The following PPEF2 variants were observed in gnomAD, a reference collection of about 807,000 sequenced individuals.
PPEF2 encodes the protein serine/threonine-protein phosphatase with EF-hands 2.
A neutral mutation model predicts 84.7 loss-of-function variants in PPEF2; 84 were observed. The ratio of observed to expected loss-of-function variants is 0.99; its 90% confidence interval spans 0.83 to 1.19. The LOEUF (loss-of-function observed/expected upper bound fraction) is 1.19, where lower values mean the gene tolerates loss of function less well. Ranked by LOEUF, PPEF2 falls within the 50% of genes most tolerant of loss-of-function variation. PPEF2 has a pLI of 0.00. For synonymous variants in PPEF2, 346 were observed against 345.2 expected, an observed-to-expected ratio of 1.00 and a Z score of -0.03; for missense variants, 924 against 937.5, an observed-to-expected ratio of 0.99 and a Z score of 0.19.
chr4:75,883,368 G>T, intron 8 of PPEF2, 166 bp from the exon 9 acceptor site: 2 of 621,408 alleles, frequency 3.2e-6, no homozygotes, highest in South Asian at 2.1e-5. Context: ...ATTATCCCTG[G>T]GTAGAGAAAT....
At chr4:75,871,284 T>C (rs963803058) in intron 13 of PPEF2, among the ~76,000 whole-genome samples, 1 of 152,034 alleles carries the variant, frequency 6.6e-6, no homozygotes, top group African/African-American at 2.4e-5. Flanking sequence ...CATTAACAAA[T>C]CTGTGCACTG....
intron 16 of PPEF2, among the ~76,000 whole-genome samples, chr4:75,861,281 T>C (rs1317992534): frequency 6.6e-6 from 1 of 152,090 alleles, no homozygotes; most frequent in Non-Finnish European, 1.5e-5. Flanking sequence ...TTATCAACAG[T>C]ACCACTGTTG....
chr4:75,899,129 G>A (rs1368824781), intron 1 of PPEF2, among the ~76,000 whole-genome samples: 1 of 152,014 alleles, frequency 6.6e-6, no homozygotes. Flanking sequence ...TCTGTGCCTG[G>A]CTTATTTCAC....
At position 75,860,897 on chromosome 4, in the gene PPEF2, T is replaced by A; in HGVS notation, c.2032A>T (p.Arg678Trp). 6.2e-7 allele frequency: 1 copy of A among 1,614,228 alleles called. No individual in the cohort carries two copies. The highest frequency in any genetic ancestry group is 8.5e-7 in the Non-Finnish European group (1 of 1,180,018). ...GAGCTGAACAGCTTCCAGGTCTGCC[T>A]GAACTCGTCCAGTGAGATGAACCCT... ...HSGFISLDEF[R>W]QTWKLFSSHM... is the part of the protein sequence containing the mutation. Residue 678 changes from arginine (R) to tryptophan (W), a missense_variant, in exon 17 of 17, where the codon AGG (arginine) becomes TGG (tryptophan). Physicochemically the swap from Arg to Trp is moderately radical, Grantham distance 101 (BLOSUM62 -3). Transcript: ENST00000286719.
chr4:75,876,263 G>A, intron 11 of PPEF2, 24 bp downstream of exon 11: 2 of 1,562,116 alleles, frequency 1.3e-6, no homozygotes, highest in East Asian at 2.3e-5. Flanking sequence ...CACATGCTAG[G>A]AAGCAGCGCC....
At chr4:75,865,242 A>G (rs539365513) in intron 15 of PPEF2, among the ~76,000 whole-genome samples, 180 of 152,156 alleles carry the variant, frequency 1.2e-3, no homozygotes, top group Non-Finnish European at 2.0e-3. Flanking sequence ...TGGTTGCCTG[A>G]AGGTAATTTT....
At chr4:75,884,831 G>A (rs1313637741) in intron 7 of PPEF2, 71 bp from the exon 8 acceptor site, 53 of 1,298,394 alleles carry the variant, frequency 4.1e-5, no homozygotes, top group Middle Eastern at 1.9e-4. Context: ...AAAACCAATA[G>A]GCATTTGACA....
At chr4:75,892,829 T>C (rs1428579480) in intron 2 of PPEF2, among the ~76,000 whole-genome samples, 1 of 152,194 alleles carries the variant, frequency 6.6e-6, no homozygotes, top group Non-Finnish European at 1.5e-5. Context: ...TCCACATAAC[T>C]AGATTCTTTT....
At chr4:75,880,889 T>TAA (rs1724553714) in intron 10 of PPEF2, among the ~76,000 whole-genome samples, 7 of 151,590 alleles carry the variant, frequency 4.6e-5, no homozygotes, top group African/African-American at 1.7e-4. Flanking sequence ...AGTCTCTGTC[T>TAA]CCTGGGTTCA....
intron 4 of PPEF2, 147 bp downstream of exon 4, chr4:75,891,501 C>T: frequency 1.2e-6 from 1 of 814,196 alleles, no homozygotes; most frequent in South Asian, 2.5e-5. Flanking sequence ...TGGCATAAAA[C>T]CCCAGTCTGC....
At chr4:75,900,240 A>C (rs1725089963) in intron 1 of PPEF2, among the ~76,000 whole-genome samples, 1 of 151,894 alleles carries the variant, frequency 6.6e-6, no homozygotes, top group Admixed American at 6.6e-5. Context: ...CCCTTAGGCA[A>C]CTTTTTTTCT....
At chr4:75,895,498 C>T (rs13107138) in intron 2 of PPEF2, among the ~76,000 whole-genome samples, 32,809 of 151,492 alleles carry the variant, frequency 0.22, 3,950 homozygotes, top group Non-Finnish European at 0.27. Context: ...TTTGGGAAGC[C>T]GAGGCAGGCG....
rs562017003 is a variant in PPEF2, at chr4:75,867,259, A to G, written c.1756+54T>C. 231 of 1,408,236 alleles carry G rather than the reference A, an allele frequency of 1.6e-4. 2 individuals are homozygous for G. In the East Asian group the frequency reaches 5.2e-3, roughly 32 times the overall value. The allele number at this position is 1,408,236 out of a possible 1,614,324, so 87.2% of individuals were successfully genotyped here. ...TTATTTGCTAACTAGTGTAAGACAGAGATTTTCTGGCTAGCTTCCTTCCTC... is the reference window on the plus strand; with the variant it reads ...TTATTTGCTAACTAGTGTAAGACAGGGATTTTCTGGCTAGCTTCCTTCCTC... On this transcript the variant is annotated intron_variant, in intron 14 of 16. Transcript: ENST00000286719.
chr4:75,877,669 TCTC>T (rs1402979090), intron 10 of PPEF2, among the ~76,000 whole-genome samples: 183 of 127,112 alleles, frequency 1.4e-3, no homozygotes, highest in African/African-American at 4.6e-3. Flanking sequence ...GTATTTCCTT[TCTC>T]TTTTTTTTTT....
intron 8 of PPEF2, among the ~76,000 whole-genome samples, chr4:75,884,178 C>T (rs1004604349): frequency 7.9e-5 from 12 of 151,916 alleles, no homozygotes; most frequent in African/African-American, 2.9e-4. Context: ...TCTGTAAATC[C>T]CAGCACTTTG....
intron 11 of PPEF2, among the ~76,000 whole-genome samples, chr4:75,875,726 T>A (rs1433488320): frequency 1.3e-5 from 2 of 152,248 alleles, no homozygotes; most frequent in African/African-American, 4.8e-5. Flanking sequence ...GTCGGCTGCC[T>A]AAGCCATCTA....
chr4:75,866,357 A>G lies in PPEF2; in HGVS notation c.1757-5T>C. ...AGTCACTCAAGGTGATTAAACCTACAGGTGAGAGCTAACCTGTTGCCTTGT... is the reference window on the plus strand; with the variant it reads ...AGTCACTCAAGGTGATTAAACCTACGGGTGAGAGCTAACCTGTTGCCTTGT... On this transcript the variant is annotated splice_region_variant and splice_polypyrimidine_tract_variant and intron_variant, in intron 14 of 16. Transcript: ENST00000286719. 1 of 1,612,202 alleles carries G rather than the reference A, an allele frequency of 6.2e-7. No homozygotes were observed. The highest frequency in any genetic ancestry group is 1.1e-5 in the South Asian group (1 of 90,714).
chr4:75,888,316 G>A lies in PPEF2; in HGVS notation c.430C>T (p.Arg144Cys), dbSNP rs201913282. Reference protein sequence around the residue: ...AFRLKQQLHARYVLNLLYETK... With the variant: ...AFRLKQQLHACYVLNLLYETK... ...TCATACAAAAGGTTCAAGACGTAGC[G>A]AGCATGGAGCTGCTACTGGGAGGAA... Residue 144 changes from arginine to cysteine, a missense_variant, in exon 6 of 17, where the codon CGC becomes TGC. Transcript: ENST00000286719. 2.7e-5 allele frequency: 44 copies of A among 1,612,480 alleles called. No homozygotes were observed. The highest frequency in any genetic ancestry group is 5.3e-5 in the African/African-American group (4 of 74,998).
At chr4:75,898,820 A>G (rs542518257) in intron 1 of PPEF2, among the ~76,000 whole-genome samples, 1 of 152,350 alleles carries the variant, frequency 6.6e-6, no homozygotes, top group African/African-American at 2.4e-5. Context: ...AGTAATTGGC[A>G]TATCCATCAC....
Sources: allele counts gnomAD v4.1 joint callset (sites outside exome capture counted in the v4.1 genomes callset), GRCh38; gene constraint gnomAD v4.1.1; transcripts MANE v1.5; gene names NCBI Gene and HGNC (gene_info 2026-07-23, HGNC 2026-07-21).